The following TBXAS1 variants were observed in gnomAD, a reference collection of about 807,000 sequenced individuals.
The protein encoded by TBXAS1 is thromboxane A synthase 1.
TBXAS1 carries 48 observed loss-of-function variants against 60.7 expected under a neutral mutation model. That is an observed-to-expected ratio of 0.79 (90% CI 0.63 to 1.01). The LOEUF is 1.01. TBXAS1 is among the 50% of genes least tolerant of loss of function. TBXAS1 has a pLI of 0.00. For synonymous variants in TBXAS1, 287 were observed against 269.7 expected (o/e 1.06, Z -0.63); for missense variants, 685 against 686.3 (o/e 1.00, Z 0.02).
At chr7:140,016,266 T>G (rs1156903405) in intron 11 of TBXAS1, 1 of 323,922 alleles carries the variant, frequency 3.1e-6, no homozygotes, top group Non-Finnish European at 5.8e-6. Flanking sequence ...AGGCGGAGCT[T>G]GCAGTGAGCC....
intron 4 of TBXAS1, among the ~76,000 whole-genome samples, chr7:139,921,028 T>G (rs916876476): frequency 2.0e-5 from 3 of 152,246 alleles, no homozygotes; most frequent in Admixed American, 2.0e-4. Context: ...GATTTTCGTC[T>G]TGTTAGTGTT....
intron 10 of TBXAS1, among the ~76,000 whole-genome samples, chr7:140,012,348 G>A (rs1271533322): frequency 6.6e-6 from 1 of 152,214 alleles, no homozygotes; most frequent in Non-Finnish European, 1.5e-5. Flanking sequence ...GTTGGGAAGG[G>A]GGTGGGCTGA....
At chr7:139,934,472 G>C (rs928540127) in intron 4 of TBXAS1, among the ~76,000 whole-genome samples, 3 of 152,114 alleles carry the variant, frequency 2.0e-5, no homozygotes, top group African/African-American at 7.2e-5. Context: ...ACAGGCGTGA[G>C]CCACCATGCC....
chr7:139,786,097 T>G (rs555234763), intron 3 of TBXAS1, among the ~76,000 whole-genome samples: 200 of 150,424 alleles, frequency 1.3e-3, no homozygotes, highest in Admixed American at 4.1e-3. Context: ...TGTCTCGCCT[T>G]TCCCTCTATG....
intron 1 of TBXAS1, among the ~76,000 whole-genome samples, chr7:139,779,352 C>T (rs766515329): frequency 6.6e-5 from 10 of 152,156 alleles, no homozygotes; most frequent in Non-Finnish European, 1.2e-4. Flanking sequence ...TTGTACTCTG[C>T]GGTCTTCCTT....
At chr7:139,946,057 G>A (rs1412531494) in intron 5 of TBXAS1, among the ~76,000 whole-genome samples, 2 of 152,200 alleles carry the variant, frequency 1.3e-5, no homozygotes, top group Non-Finnish European at 2.9e-5. Flanking sequence ...ATCTGGCCAG[G>A]CATGGTGGCT....
intron 9 of TBXAS1, among the ~76,000 whole-genome samples, chr7:139,978,463 T>C (rs1569521679): frequency 1.3e-5 from 2 of 151,384 alleles, no homozygotes; most frequent in Non-Finnish European, 2.9e-5. Flanking sequence ...TTCGCTGAGA[T>C]TGCACCACTG....
intron 5 of TBXAS1, chr7:139,952,475 T>G: frequency 1.3e-6 from 2 of 1,485,440 alleles, no homozygotes; most frequent in Non-Finnish European, 1.8e-6. Flanking sequence ...GAATGATGTA[T>G]TAGAGCACGT....
chr7:139,914,257 G>A (rs937429984), intron 4 of TBXAS1, among the ~76,000 whole-genome samples: 5 of 151,692 alleles, frequency 3.3e-5, no homozygotes, highest in African/African-American at 1.2e-4. Context: ...GGTTAGTCTC[G>A]AGCTCCTGGC....
intron 10 of TBXAS1, among the ~76,000 whole-genome samples, chr7:140,012,560 G>A (rs948659320): frequency 4.0e-5 from 6 of 151,648 alleles, no homozygotes; most frequent in African/African-American, 1.5e-4. Flanking sequence ...CCGGGTTCAA[G>A]CGATTCTCGT....
At chr7:139,885,953 T>C (rs148760888) in intron 3 of TBXAS1, among the ~76,000 whole-genome samples, 1 of 152,354 alleles carries the variant, frequency 6.6e-6, no homozygotes, top group East Asian at 1.9e-4. Context: ...ATGTTTGACG[T>C]TAGCCTTTAA....
At chr7:139,924,694 C>T (rs1373622111) in intron 4 of TBXAS1, among the ~76,000 whole-genome samples, 3 of 152,068 alleles carry the variant, frequency 2.0e-5, no homozygotes, top group Non-Finnish European at 4.4e-5. Flanking sequence ...GCGTTGGTTG[C>T]CTGTGCTTGT....
intron 4 of TBXAS1, among the ~76,000 whole-genome samples, chr7:139,806,912 T>G (rs887053484): frequency 6.6e-6 from 1 of 152,188 alleles, no homozygotes; most frequent in African/African-American, 2.4e-5. Flanking sequence ...CTCCCAAACT[T>G]CCTTTGAACA....
chr7:139,866,444 A>G (rs1288828600), intron 1 of TBXAS1, among the ~76,000 whole-genome samples: 1 of 152,098 alleles, frequency 6.6e-6, no homozygotes, highest in African/African-American at 2.4e-5. Context: ...AAAAAGTAGA[A>G]ATCTGGATAA....
intron 3 of TBXAS1, among the ~76,000 whole-genome samples, chr7:139,902,692 C>T (rs1050301625): frequency 3.3e-5 from 5 of 152,116 alleles, no homozygotes; most frequent in East Asian, 1.9e-4. Flanking sequence ...ATCGCCAAAG[C>T]GGCTTTATGG....
At chr7:139,822,572 A>G (rs1798327838) in intron 4 of TBXAS1, among the ~76,000 whole-genome samples, 1 of 152,184 alleles carries the variant, frequency 6.6e-6, no homozygotes, top group Non-Finnish European at 1.5e-5. Flanking sequence ...CTCAGCGTGC[A>G]GAACACTGAA....
intron 8 of TBXAS1, among the ~76,000 whole-genome samples, chr7:139,959,294 T>C (rs1810136172): frequency 6.6e-6 from 1 of 152,168 alleles, no homozygotes; most frequent in South Asian, 2.1e-4. Flanking sequence ...CCATCTAAAG[T>C]CTGTATACAT....
In TBXAS1 at chr7:139,984,640, G is replaced by GAAAGAAAGAAAGAAAGAAAGAA. The variant is rs1554503305; in HGVS notation, c.1134+22408_1134+22409insAAGAAAGAAAGAAAGAAAGAAA. ...AGAGAGAGAGAGAGAGAGAGAGAGA[G>GAAAGAAAGAAAGAAAGAAAGAA]AGAAAGAAAGAAAGGGAAGGGGGAA... is the stretch of plus-strand genomic sequence containing the variant. On this transcript the variant is annotated intron_variant, in intron 9 of 12. Coordinates refer to ENST00000448866, the MANE Select transcript of TBXAS1 (RefSeq NM_001061.7). Among the ~76,000 whole-genome samples, 4 of 99,860 alleles carry GAAAGAAAGAAAGAAAGAAAGAA rather than the reference G, an allele frequency of 4.0e-5. 1 individual carries two copies. Among genetic ancestry groups the GAAAGAAAGAAAGAAAGAAAGAA allele is most frequent in the Admixed American group, 1.0e-4 (1 of 9,696 alleles). 65.5% of individuals were successfully genotyped at this position (99,860 alleles called of 152,430 possible). A position where few individuals can be genotyped will look rare whatever the true frequency, so the allele number is the denominator to read the frequency against.
At chr7:139,802,188 T>G (rs74579050) in intron 4 of TBXAS1, among the ~76,000 whole-genome samples, 4,060 of 152,350 alleles carry the variant, frequency 0.027, 185 homozygotes, top group African/African-American at 0.094. Context: ...TTAAATATTG[T>G]TTTAAGTGTT....
Sources: allele counts gnomAD v4.1 joint callset (sites outside exome capture counted in the v4.1 genomes callset), GRCh38; gene constraint gnomAD v4.1.1; transcripts MANE v1.5; gene names NCBI Gene and HGNC (gene_info 2026-07-23, HGNC 2026-07-21).